Variants in NAV2 observed in about 807,000 individuals in gnomAD.
NAV2 encodes neuron navigator 2.
NAV2 carries 54 observed loss-of-function variants against 223.2 expected under a neutral mutation model. That is an observed-to-expected ratio of 0.24 (90% CI 0.19 to 0.30). The LOEUF (loss-of-function observed/expected upper bound fraction) is 0.30, where lower values mean the gene tolerates loss of function less well. Ranked by LOEUF, NAV2 falls within the 10% of genes least tolerant of loss-of-function variation. NAV2 has a pLI of 1.00. For missense variants in NAV2, 2,806 were observed against 3,147.5 expected (o/e 0.89, Z 2.60); for synonymous variants, 1,279 against 1,239.3 (o/e 1.03, Z -0.67).
At chr11:19,959,904 G>T (rs2048210807) in intron 10 of NAV2, among the ~76,000 whole-genome samples, 1 of 152,162 alleles carries the variant, frequency 6.6e-6, no homozygotes, top group African/African-American at 2.4e-5. Flanking sequence ...TGTCTTGTTG[G>T]AACGGACCTC....
At chr11:19,367,316 C>T (rs1476548552) in intron 1 of NAV2, among the ~76,000 whole-genome samples, 1 of 152,160 alleles carries the variant, frequency 6.6e-6, no homozygotes, top group Admixed American at 6.5e-5. Context: ...CCTCTGACTT[C>T]CAAGGCCCCT....
At chr11:19,797,879 A>C (rs1055602304) in intron 1 of NAV2, among the ~76,000 whole-genome samples, 1 of 152,080 alleles carries the variant, frequency 6.6e-6, no homozygotes, top group Non-Finnish European at 1.5e-5. Context: ...TTTCACCATG[A>C]TGGGCATGTG....
At chr11:20,048,595 G>A (rs2057691490) in intron 14 of NAV2, 133 bp from the exon 15 acceptor site, 2 of 731,920 alleles carry the variant, frequency 2.7e-6, no homozygotes, top group Admixed American at 2.6e-5. Flanking sequence ...AGTACCGTTA[G>A]CCATTTCAGT....
chr11:20,034,117 G>T (rs12276043), intron 11 of NAV2, among the ~76,000 whole-genome samples: 83,578 of 152,000 alleles, frequency 0.55, 24,395 homozygotes, highest in Admixed American at 0.67. Flanking sequence ...AGTAAAGAGG[G>T]TAGTTGGTTC....
chr11:19,859,859 G>C (rs1378067120), intron 3 of NAV2, among the ~76,000 whole-genome samples: 3 of 134,610 alleles, frequency 2.2e-5, no homozygotes, highest in African/African-American at 2.8e-5. Context: ...GCGGCTGGCC[G>C]GGCGGGGGGC....
intron 1 of NAV2, among the ~76,000 whole-genome samples, chr11:19,497,175 C>T (rs2042822776): frequency 6.6e-6 from 1 of 152,256 alleles, no homozygotes; most frequent in Non-Finnish European, 1.5e-5. Context: ...CTTCACCTCT[C>T]TGTGCATCTC....
chr11:19,618,678 A>G (rs1265402576), intron 1 of NAV2, among the ~76,000 whole-genome samples: 1 of 152,170 alleles, frequency 6.6e-6, no homozygotes, highest in Non-Finnish European at 1.5e-5. Flanking sequence ...GGGGCCAGAC[A>G]AAGAAAAATC....
chr11:19,670,139 C>A (rs1415014311), intron 1 of NAV2, among the ~76,000 whole-genome samples: 1 of 152,172 alleles, frequency 6.6e-6, no homozygotes, highest in Non-Finnish European at 1.5e-5. Flanking sequence ...ACTGTGTTGC[C>A]TCTACTAGCA....
chr11:19,489,488 C>A (rs759980114), intron 1 of NAV2, among the ~76,000 whole-genome samples: 1 of 152,224 alleles, frequency 6.6e-6, no homozygotes, highest in Non-Finnish European at 1.5e-5. Flanking sequence ...ATTTGAGTAA[C>A]TTTTATCACT....
intron 16 of NAV2, among the ~76,000 whole-genome samples, chr11:20,050,798 T>A (rs2057923341): frequency 6.6e-6 from 1 of 152,228 alleles, no homozygotes; most frequent in South Asian, 2.1e-4. Flanking sequence ...GAATTCCAAA[T>A]ATGCAGACTG....
intron 1 of NAV2, among the ~76,000 whole-genome samples, chr11:19,761,169 G>A (rs1451069388): frequency 6.6e-6 from 1 of 152,100 alleles, no homozygotes. Flanking sequence ...TGCCAAAAGA[G>A]AGGGCAGTCT....
intron 3 of NAV2, among the ~76,000 whole-genome samples, chr11:19,860,400 A>G (rs1306751882): frequency 6.9e-6 from 1 of 144,112 alleles, no homozygotes; most frequent in Non-Finnish European, 1.5e-5. Context: ...ACGGGGCGAC[A>G]GGGCAGAGGC....
At chr11:19,752,442 A>G (rs1038848637) in intron 1 of NAV2, among the ~76,000 whole-genome samples, 1 of 152,206 alleles carries the variant, frequency 6.6e-6, no homozygotes, top group African/African-American at 2.4e-5. Flanking sequence ...CTTATAGAAA[A>G]TGTCAACCAT....
At chr11:19,818,563 G>A in intron 1 of NAV2, among the ~76,000 whole-genome samples, 1 of 152,166 alleles carries the variant, frequency 6.6e-6, no homozygotes, top group East Asian at 1.9e-4. Context: ...ATAATTTTAA[G>A]TTTATATAAT....
Position 19,995,181 on chromosome 11 carries a change from C to T in NAV2, c.2768+10934C>T, listed in dbSNP as rs1419477364. ...TTGTTCATTTGTGTGGTCAGCCCAG[C>T]TGATCTTTAAGGTCCTTGAGCTCCT... On this transcript the variant is annotated intron_variant, in intron 11 of 37. Coordinates refer to ENST00000349880, the MANE Select transcript of NAV2 (RefSeq NM_145117.5). Among the ~76,000 whole-genome samples, 3 of 152,232 alleles carry T rather than the reference C, an allele frequency of 2.0e-5. No homozygotes were observed. The East Asian group carries it at 5.8e-4, about 29-fold the overall frequency.
At chr11:19,409,458 TCTC>T (rs907946135) in intron 1 of NAV2, among the ~76,000 whole-genome samples, 6 of 152,122 alleles carry the variant, frequency 3.9e-5, no homozygotes, top group African/African-American at 1.4e-4. Flanking sequence ...AGCTCTCTCT[TCTC>T]CTTCCATCTC....
rs2134215905 is a variant in NAV2 at position 19,509,517 on chromosome 11, C to T, written c.75+158490C>T. Among the ~76,000 whole-genome samples, 3 of 152,304 alleles carry T rather than the reference C, an allele frequency of 2.0e-5. No homozygotes were observed. The Middle Eastern group carries it at 0.01, about 518-fold the overall frequency. On this transcript the variant is annotated intron_variant, in intron 1 of 37. Transcript: ENST00000360655. ...ATTATAAAGGGATTAGATGCAAATG[C>T]ACTGAAGATTTGGCTGATTTGGGCT...
Position 19,459,152 on chromosome 11 carries a change from A to G in NAV2, c.75+108125A>G, listed in dbSNP as rs571547102. Among the ~76,000 whole-genome samples the G allele has an allele frequency of 3.9e-4, 60 of 152,364 alleles. No homozygotes were observed. The South Asian group carries it at 0.012, about 32-fold the overall frequency. On this transcript the variant is annotated intron_variant, in intron 1 of 37. Transcript: ENST00000360655. ...CCAGTTGTAAGTCATAGAAAGCCCA[A>G]TCTATACAGGCTTATGCATAAAGAA...
intron 36 of NAV2, 167 bp from the exon 37 acceptor site, chr11:20,114,418 CACCTCGA>C (rs1351562730): frequency 1.6e-6 from 1 of 632,196 alleles, no homozygotes; most frequent in East Asian, 2.7e-5. Context: ...TCAGCCTTAG[CACCTCGA>C]ACTGTCTGCA....
Sources: allele counts gnomAD v4.1 joint callset (sites outside exome capture counted in the v4.1 genomes callset), GRCh38; gene constraint gnomAD v4.1.1; transcripts MANE v1.5; gene names NCBI Gene and HGNC (gene_info 2026-07-23, HGNC 2026-07-21).